EPHA5: variants seen among roughly 807,000 people sequenced by gnomAD.
EPHA5 encodes the protein EPH receptor A5.
EPHA5 carries 60 observed loss-of-function variants against 105.0 expected under a neutral mutation model. That is an observed-to-expected ratio of 0.57 (90% CI 0.46 to 0.71). The LOEUF (loss-of-function observed/expected upper bound fraction) is 0.71. Among genes scored for constraint, EPHA5 ranks in the 30% least tolerant of loss-of-function variants. The pLI is 0.00. For missense variants in EPHA5, 1,218 were observed against 1,274.7 expected, an observed-to-expected ratio of 0.96 and a Z score of 0.68; for synonymous variants, 513 against 449.1, an observed-to-expected ratio of 1.14 and a Z score of -1.80.
intron 1 of EPHA5, among the ~76,000 whole-genome samples, chr4:65,662,330 G>T (rs576359386): frequency 6.6e-6 from 1 of 152,070 alleles, no homozygotes; most frequent in South Asian, 2.1e-4. Flanking sequence ...TCAGGTTTTG[G>T]CTCTTTAATT....
intron 2 of EPHA5, among the ~76,000 whole-genome samples, chr4:65,606,854 T>G (rs1299994276): frequency 6.6e-6 from 1 of 152,124 alleles, no homozygotes; most frequent in African/African-American, 2.4e-5. Flanking sequence ...CAGAATTACA[T>G]AAAAATCTGG....
At chr4:65,459,790 T>C (rs1727954678) in intron 5 of EPHA5, among the ~76,000 whole-genome samples, 1 of 151,680 alleles carries the variant, frequency 6.6e-6, no homozygotes, top group South Asian at 2.1e-4. Flanking sequence ...TTAAAGCCAA[T>C]GAGTCAATAT....
intron 5 of EPHA5, among the ~76,000 whole-genome samples, chr4:65,438,045 A>G (rs1725652330): frequency 6.6e-6 from 1 of 152,002 alleles, no homozygotes; most frequent in Admixed American, 6.6e-5. Flanking sequence ...GCATCATAGT[A>G]GGATCATTCT....
At chr4:65,487,172 G>A (rs1408246166) in intron 5 of EPHA5, among the ~76,000 whole-genome samples, 2 of 152,138 alleles carry the variant, frequency 1.3e-5, no homozygotes. Context: ...CCAGTCTCAG[G>A]TATTTATAGC....
chr4:65,661,640 TGGTGAAAGCTTTGGGTGAAGCTTTG>T (rs2149550839), intron 1 of EPHA5, among the ~76,000 whole-genome samples: 1 of 152,150 alleles, frequency 6.6e-6, no homozygotes, highest in East Asian at 1.9e-4. Context: ...CTAGTACACA[TGGTGAAAGCTTTGGGTGAAGCTTTG>T]GGTGAAAGCT....
At chr4:65,644,407 C>A (rs1358481070) in intron 1 of EPHA5, among the ~76,000 whole-genome samples, 4 of 152,000 alleles carry the variant, frequency 2.6e-5, no homozygotes, top group Non-Finnish European at 4.4e-5. Flanking sequence ...TGCAACAGAA[C>A]AACTTTGAAT....
At chr4:65,627,756 C>T (rs942912680) in intron 2 of EPHA5, among the ~76,000 whole-genome samples, 1 of 152,110 alleles carries the variant, frequency 6.6e-6, no homozygotes, top group South Asian at 2.1e-4. Flanking sequence ...TTCAATTATT[C>T]ATCTTTATCA....
intron 10 of EPHA5, among the ~76,000 whole-genome samples, 191 bp from the exon 11 acceptor site, chr4:65,365,393 C>T (rs1372434991): frequency 6.6e-6 from 1 of 150,998 alleles, no homozygotes; most frequent in Non-Finnish European, 1.5e-5. Context: ...ATAAATAGTA[C>T]ATTGGAACAA....
intron 3 of EPHA5, among the ~76,000 whole-genome samples, chr4:65,576,054 GAA>G (rs1267879980): frequency 6.1e-5 from 5 of 81,560 alleles, no homozygotes; most frequent in African/African-American, 2.5e-4. Flanking sequence ...AAGAAAGAAA[GAA>G]AGAAAAGAAA....
At chr4:65,387,105 G>A (rs1176528464) in intron 8 of EPHA5, among the ~76,000 whole-genome samples, 14 of 151,936 alleles carry the variant, frequency 9.2e-5, no homozygotes, top group African/African-American at 3.1e-4. Flanking sequence ...TGCAATCTGA[G>A]CACTTGGAGT....
intron 3 of EPHA5, among the ~76,000 whole-genome samples, chr4:65,574,679 C>CACATATATATACAT (rs1553942773): frequency 1.6e-5 from 1 of 61,092 alleles, no homozygotes; most frequent in Non-Finnish European, 3.2e-5. Context: ...CATATATATA[C>CACATATATATACAT]ATATATATAC....
intron 3 of EPHA5, among the ~76,000 whole-genome samples, chr4:65,517,274 C>G (rs974949177): frequency 1.3e-5 from 2 of 151,792 alleles, no homozygotes; most frequent in African/African-American, 4.8e-5. Flanking sequence ...ATATTAATAA[C>G]TGCCAACAGA....
intron 2 of EPHA5, among the ~76,000 whole-genome samples, chr4:65,632,671 AG>A (rs1746760115): frequency 6.6e-6 from 1 of 152,056 alleles, no homozygotes; most frequent in Non-Finnish European, 1.5e-5. Flanking sequence ...GTGATCTGCT[AG>A]AGGTGAAGAC....
chr4:65,495,645 A>G (rs1223498624), intron 3 of EPHA5, 102 bp from the exon 4 acceptor site: 3 of 915,778 alleles, frequency 3.3e-6, no homozygotes, highest in South Asian at 2.2e-5. Context: ...GATTACAGAT[A>G]ACACAATCTT....
At chr4:65,414,523 G>C in intron 6 of EPHA5, 80 bp from the exon 7 acceptor site, 1 of 1,468,424 alleles carries the variant, frequency 6.8e-7, no homozygotes, top group African/African-American at 1.4e-5. Flanking sequence ...TCATAGATCA[G>C]AAAATGAATC....
At chr4:65,631,046 A>G (rs1441343541) in intron 2 of EPHA5, among the ~76,000 whole-genome samples, 1 of 152,166 alleles carries the variant, frequency 6.6e-6, no homozygotes, top group African/African-American at 2.4e-5. Flanking sequence ...TATTGAGCAC[A>G]TGCCCATCAT....
chr4:65,423,035 A>T (rs771371470), intron 5 of EPHA5, among the ~76,000 whole-genome samples: 1 of 152,018 alleles, frequency 6.6e-6, no homozygotes, highest in Non-Finnish European at 1.5e-5. Context: ...ACATTCATTT[A>T]GTCATCATGT....
At chr4:65,341,065 C>T (rs1202683928) in intron 14 of EPHA5, among the ~76,000 whole-genome samples, 3 of 152,056 alleles carry the variant, frequency 2.0e-5, no homozygotes, top group Non-Finnish European at 4.4e-5. Context: ...TTCATCCCTC[C>T]TCAATTTTTC....
chr4:65,346,441 T>G (rs1019610864), intron 14 of EPHA5, among the ~76,000 whole-genome samples: 1 of 150,118 alleles, frequency 6.7e-6, no homozygotes, highest in Non-Finnish European at 1.5e-5. Flanking sequence ...AATCAAAATT[T>G]TTCTTCTATT....
Sources: gnomAD v4.1 joint callset for allele counts (sites outside exome capture counted in the v4.1 genomes callset) on GRCh38, gnomAD v4.1.1 for gene constraint, MANE v1.5 for transcripts, NCBI Gene and HGNC (gene_info 2026-07-23, HGNC 2026-07-21) for gene names.